The following CDIN1 variants were observed in gnomAD, a reference collection of about 807,000 sequenced individuals.
The protein encoded by CDIN1 is CDAN1-interacting nuclease 1.
CDIN1 carries 33 observed loss-of-function variants against 45.3 expected under a neutral mutation model. The ratio of observed to expected loss-of-function variants is 0.73; its 90% CI spans 0.55 to 0.97. The LOEUF (loss-of-function observed/expected upper bound fraction) is 0.97. Among genes scored for constraint, CDIN1 ranks in the 50% least tolerant of loss-of-function variants. The pLI is 0.00. For synonymous variants in CDIN1, 118 were observed against 124.4 expected, an observed-to-expected ratio of 0.95 and a Z score of 0.34; for missense variants, 303 against 339.4, an observed-to-expected ratio of 0.89 and a Z score of 0.84.
At chr15:36,806,599 AG>A (rs376310346) in intron 10 of CDIN1, among the ~76,000 whole-genome samples, 28 of 152,248 alleles carry the variant, frequency 1.8e-4, no homozygotes, top group African/African-American at 6.7e-4. Context: ...GCCGTGACTC[AG>A]GGGTGCTTCA....
At chr15:36,617,896 G>A (rs1279932180) in intron 1 of CDIN1, 7 of 769,584 alleles carry the variant, frequency 9.1e-6, no homozygotes, top group Admixed American at 1.7e-5. Context: ...TTATGGCAAG[G>A]ATAAAAGCCA....
intron 4 of CDIN1, among the ~76,000 whole-genome samples, chr15:36,656,214 A>T (rs951018733): frequency 1.3e-5 from 2 of 152,210 alleles, no homozygotes; most frequent in African/African-American, 4.8e-5. Flanking sequence ...GCATCTGGTG[A>T]CAATTGATGT....
At chr15:36,595,143 CAGG>C (rs1286503627) in intron 1 of CDIN1, among the ~76,000 whole-genome samples, 1 of 151,622 alleles carries the variant, frequency 6.6e-6, no homozygotes. Context: ...TTGGAACTGT[CAGG>C]AGAATTTTTA....
intron 7 of CDIN1, chr15:36,696,413 A>G (rs2042427458): frequency 1.3e-5 from 2 of 152,238 alleles, no homozygotes; most frequent in Admixed American, 1.3e-4. Context: ...AGTGAAACAA[A>G]GAAGTTTCTA....
chr15:36,630,479 G>A (rs987543242), intron 1 of CDIN1, among the ~76,000 whole-genome samples: 5 of 152,274 alleles, frequency 3.3e-5, no homozygotes, highest in East Asian at 1.9e-4. Context: ...CAAATATTAA[G>A]TGATTTTTCC....
In CDIN1 at chr15:36,683,664, T is replaced by C. The variant is rs1169109007; in HGVS notation, c.347-8021T>C. On this transcript the variant is annotated intron_variant, in intron 5 of 10. Transcript: ENST00000566621. Reference sequence around the variant, plus strand: ...ATGGCATTGAATCTGTAAATTACCTTGGGCAGTATGGCCATTTTCACGATA... The same window carrying C: ...ATGGCATTGAATCTGTAAATTACCTCGGGCAGTATGGCCATTTTCACGATA... Among the ~76,000 whole-genome samples the C allele has an allele frequency of 3.0e-4, 6 of 19,684 alleles. No individual in the cohort carries two copies. In the South Asian group the frequency reaches 8.2e-3, roughly 27 times the overall value. 12.9% of individuals were successfully genotyped at this position (19,684 alleles called of 152,430 possible). A position where few individuals can be genotyped will look rare whatever the true frequency, so the allele number is the denominator to read the frequency against.
At chr15:36,678,100 C>G (rs900878362) in intron 5 of CDIN1, among the ~76,000 whole-genome samples, 1 of 152,010 alleles carries the variant, frequency 6.6e-6, no homozygotes, top group Non-Finnish European at 1.5e-5. Flanking sequence ...TTAATTTGTC[C>G]CTATAGGATT....
intron 3 of CDIN1, among the ~76,000 whole-genome samples, chr15:36,650,837 C>T (rs1441368972): frequency 4.6e-5 from 7 of 152,012 alleles, no homozygotes; most frequent in Non-Finnish European, 1.0e-4. Flanking sequence ...CAGAGGCAAG[C>T]GGATCACCTG....
chr15:36,760,301 CTG>C (rs1047568428), intron 10 of CDIN1, among the ~76,000 whole-genome samples: 56 of 152,278 alleles, frequency 3.7e-4, no homozygotes, highest in African/African-American at 1.3e-3. Context: ...CTTGTAAAAT[CTG>C]TGTTATAAAT....
chr15:36,673,371 A>G (rs1417882964), intron 5 of CDIN1, among the ~76,000 whole-genome samples: 3 of 152,106 alleles, frequency 2.0e-5, no homozygotes, highest in Non-Finnish European at 4.4e-5. Context: ...ATGAAGTTTG[A>G]TATATGAGCA....
At chr15:36,667,584 G>T (rs910061956) in intron 5 of CDIN1, among the ~76,000 whole-genome samples, 3 of 152,100 alleles carry the variant, frequency 2.0e-5, no homozygotes, top group African/African-American at 7.2e-5. Flanking sequence ...TCAAAATAAT[G>T]ATTGGGTACT....
intron 10 of CDIN1, among the ~76,000 whole-genome samples, chr15:36,730,838 T>G (rs141276767): frequency 1.3e-5 from 2 of 152,148 alleles, no homozygotes; most frequent in African/African-American, 2.4e-5. Flanking sequence ...TAACCCTTAT[T>G]ATCAGGCTTG....
chr15:36,675,426 T>C (rs1329824610), intron 5 of CDIN1, among the ~76,000 whole-genome samples: 1 of 152,088 alleles, frequency 6.6e-6, no homozygotes, highest in East Asian at 1.9e-4. Flanking sequence ...TCATTTGGGG[T>C]GTCCAAAGGT....
intron 3 of CDIN1, among the ~76,000 whole-genome samples, 195 bp downstream of exon 3, chr15:36,645,482 G>T (rs1334120802): frequency 6.9e-6 from 1 of 144,120 alleles, no homozygotes; most frequent in Non-Finnish European, 1.5e-5. Context: ...AGTATGGTAA[G>T]GCTGTCTTGA....
chr15:36,708,069 CA>C (rs2042932653), intron 8 of CDIN1: 1 of 152,150 alleles, frequency 6.6e-6, no homozygotes, highest in Admixed American at 6.5e-5. Context: ...AGGTTATTTA[CA>C]TTTGAAATGC....
chr15:36,630,637 G>A (rs750546907), intron 1 of CDIN1, among the ~76,000 whole-genome samples: 1 of 152,198 alleles, frequency 6.6e-6, no homozygotes, highest in Non-Finnish European at 1.5e-5. Context: ...TTTGCTGCTA[G>A]AAGGGAATAC....
intron 10 of CDIN1, among the ~76,000 whole-genome samples, chr15:36,767,328 C>T (rs2053953949): frequency 6.6e-6 from 1 of 152,086 alleles, no homozygotes; most frequent in African/African-American, 2.4e-5. Context: ...TTTGGGCTTC[C>T]TGAGTCAGAT....
At chr15:36,686,303 C>T (rs1397345197) in intron 5 of CDIN1, among the ~76,000 whole-genome samples, 4 of 149,684 alleles carry the variant, frequency 2.7e-5, no homozygotes, top group Non-Finnish European at 4.4e-5. Flanking sequence ...AGTAAACTAT[C>T]GCAAGAACAA....
chr15:36,759,241 C>T (rs1371333586), intron 10 of CDIN1, among the ~76,000 whole-genome samples: 2 of 152,098 alleles, frequency 1.3e-5, no homozygotes, highest in South Asian at 2.1e-4. Flanking sequence ...CTTGTCTGTG[C>T]TCCCAAGTGA....
Sources: gnomAD v4.1 joint callset for allele counts (sites outside exome capture counted in the v4.1 genomes callset) on GRCh38, gnomAD v4.1.1 for gene constraint, MANE v1.5 for transcripts, NCBI Gene and HGNC (gene_info 2026-07-23, HGNC 2026-07-21) for gene names.